UGGT1: variants seen among roughly 807,000 people sequenced by gnomAD.
UGGT1 encodes the protein UDP-glucose glycoprotein glucosyltransferase 1.
UGGT1 carries 107 observed loss-of-function variants against 203.9 expected under a neutral mutation model. That is an observed-to-expected ratio of 0.52 (90% CI 0.45 to 0.62). The LOEUF (loss-of-function observed/expected upper bound fraction) is 0.62. Ranked by LOEUF, UGGT1 falls within the 20% of genes least tolerant of loss-of-function variation. The pLI, the probability that UGGT1 is intolerant of heterozygous loss-of-function variation, is 0.00. For missense variants in UGGT1, 1,673 were observed against 1,867.2 expected (o/e 0.90, Z 1.92); for synonymous variants, 628 against 653.5 (o/e 0.96, Z 0.59).
At position 128,157,190 on chromosome 2, in the gene UGGT1, T is replaced by C. The variant is rs570648149; in HGVS notation, c.2261-62T>C. 80 of 1,147,582 alleles carry C rather than the reference T, an allele frequency of 7.0e-5. No individual in the cohort carries two copies. In the African/African-American group the frequency reaches 1.0e-3, roughly 14 times the overall value. 71.1% of individuals were successfully genotyped at this position (1,147,582 alleles called of 1,614,324 possible). A position where few individuals can be genotyped will look rare whatever the true frequency, so the allele number is the denominator to read the frequency against. On this transcript the variant is annotated intron_variant, in intron 21 of 40. Transcript: ENST00000259253. ...TATTTGGTCAATTTCATTTTCAGAATGTTGAAACACAGAATGTGCTTCTCT... is the reference window on the plus strand; with the variant it reads ...TATTTGGTCAATTTCATTTTCAGAACGTTGAAACACAGAATGTGCTTCTCT...
Position 128,172,566 on chromosome 2 carries a change from A to G in UGGT1, c.3105-7A>G. 1 of 1,613,798 alleles carries G rather than the reference A, an allele frequency of 6.2e-7. No individual in the cohort carries two copies. The highest frequency in any genetic ancestry group is 8.5e-7 in the Non-Finnish European group (1 of 1,179,920). On this transcript the variant is annotated splice_polypyrimidine_tract_variant and splice_region_variant and intron_variant, in intron 28 of 40. Transcript: ENST00000259253. ...AAATTATCTAACACTTTCCTTTTCA[A>G]TTTCAGCTTTTACCGTTATGTCTTA...
rs943512957 is a variant in UGGT1 at position 128,123,303 on chromosome 2, A to G, written c.1134+57A>G. ...TGTATTCTATCTTTAAAGATAAGGAAATCTGAGTTTAATCAGCAGCATTTA... is the reference window on the plus strand; with the variant it reads ...TGTATTCTATCTTTAAAGATAAGGAGATCTGAGTTTAATCAGCAGCATTTA... On this transcript the variant is annotated intron_variant, in intron 11 of 40. Coordinates refer to ENST00000259253, the MANE Select transcript of UGGT1 (RefSeq NM_020120.4). The G allele has an allele frequency of 6.1e-6, 9 of 1,477,012 alleles. No individual in the cohort carries two copies. The Admixed American group carries it at 1.7e-4, about 27-fold the overall frequency. The allele number at this position is 1,477,012 out of a possible 1,614,324, so 91.5% of individuals were successfully genotyped here. A position where few individuals can be genotyped will look rare whatever the true frequency, so the allele number is the denominator to read the frequency against.
rs756592264 is a variant in UGGT1 at position 128,152,776 on chromosome 2, T to C, written c.2017-8T>C. ...CTCCCCCCTCAACCTCCTTTTTTTT[T>C]CTTGCAGGGTGAACTGCCCCATGAT... On this transcript the variant is annotated splice_polypyrimidine_tract_variant and splice_region_variant and intron_variant, in intron 18 of 40. Transcript: ENST00000259253. 2 of 1,589,474 alleles carry C rather than the reference T, an allele frequency of 1.3e-6. No individual in the cohort carries two copies. Among genetic ancestry groups the C allele is most frequent in the Non-Finnish European group, 1.7e-6 (2 of 1,170,968 alleles).
Position 128,128,953 on chromosome 2 carries a change from C to T in UGGT1, c.1227-76C>T, listed in dbSNP as rs1688745573. On this transcript the variant is annotated intron_variant, in intron 12 of 40. Transcript: ENST00000259253. ...ATTTGGCATTGAGGTTGAACTGATA[C>T]ATTTTTTTTCATGGTGAGAATTTTT... The T allele has an allele frequency of 7.8e-6, 11 of 1,412,390 alleles. No homozygotes were observed. The South Asian group carries it at 1.4e-4, about 18-fold the overall frequency. The allele number at this position is 1,412,390 out of a possible 1,614,324, so 87.5% of individuals were successfully genotyped here.
chr2:128,156,526 G>C, intron 21 of UGGT1, 111 bp downstream of exon 21: 1 of 823,402 alleles, frequency 1.2e-6, no homozygotes, highest in Non-Finnish European at 1.9e-6. Context: ...GGAATCTGTG[G>C]GTAACAGGAA....
At chr2:128,172,346 T>C (rs888117367) in intron 28 of UGGT1, among the ~76,000 whole-genome samples, 1 of 152,192 alleles carries the variant, frequency 6.6e-6, no homozygotes, top group Non-Finnish European at 1.5e-5. Context: ...AGGCCACCAC[T>C]GAGCACTCCT....
chr2:128,131,753 G>C (rs1244763043), intron 13 of UGGT1, among the ~76,000 whole-genome samples: 1 of 151,964 alleles, frequency 6.6e-6, no homozygotes, highest in Non-Finnish European at 1.5e-5. Flanking sequence ...TCAGCCTCCC[G>C]AGTAGCTGGG....
At chr2:128,157,444 G>A (rs1690294088) in intron 22 of UGGT1, 98 bp downstream of exon 22, 3 of 902,908 alleles carry the variant, frequency 3.3e-6, no homozygotes, top group Non-Finnish European at 5.2e-6. Flanking sequence ...GGAGTTGGGA[G>A]TCCTGCTTTC....
rs1429451020 is a variant in UGGT1 at position 128,120,597 on chromosome 2, C to T, written c.973+141C>T. The T allele has an allele frequency of 2.1e-5, 14 of 669,358 alleles. 1 individual carries two copies. Among genetic ancestry groups the T allele is most frequent in the South Asian group, 8.2e-5 (4 of 48,866 alleles). The allele number at this position is 669,358 out of a possible 1,614,324, so 41.5% of individuals were successfully genotyped here. ...TTTTAAAGATAAGAGTGATTAATTA[C>T]GATTAATCAGGGAAGAAAGGAAGTC... On this transcript the variant is annotated intron_variant, in intron 9 of 40. Coordinates refer to ENST00000259253, the MANE Select transcript of UGGT1 (RefSeq NM_020120.4).
chr2:128,114,587 C>T (rs571929460), intron 6 of UGGT1, among the ~76,000 whole-genome samples: 4 of 152,268 alleles, frequency 2.6e-5, no homozygotes, highest in South Asian at 2.1e-4. Context: ...AAGCTCCGCT[C>T]GAAGGCATTT....
intron 25 of UGGT1, among the ~76,000 whole-genome samples, chr2:128,162,665 C>T (rs576785322): frequency 6.6e-6 from 1 of 152,136 alleles, no homozygotes; most frequent in South Asian, 2.1e-4. Flanking sequence ...CCCCTTGTCC[C>T]GACCTGTGAA....
chr2:128,158,015 T>A (rs1302344328), intron 22 of UGGT1, among the ~76,000 whole-genome samples: 1 of 152,082 alleles, frequency 6.6e-6, no homozygotes, highest in Non-Finnish European at 1.5e-5. Context: ...AATAAAGAAA[T>A]ATCCAGGTGG....
chr2:128,186,263 T>C (rs528518044), intron 38 of UGGT1, among the ~76,000 whole-genome samples: 15 of 152,364 alleles, frequency 9.8e-5, no homozygotes, highest in African/African-American at 3.6e-4. Flanking sequence ...GTGATTGGCA[T>C]GTGATCTGTA....
At chr2:128,174,717 G>A in intron 30 of UGGT1, 56 bp from the exon 31 acceptor site, 1 of 1,360,886 alleles carries the variant, frequency 7.3e-7, no homozygotes, top group Non-Finnish European at 1.0e-6. Context: ...CTGTTCCTCA[G>A]AAATAACATT....
intron 37 of UGGT1, among the ~76,000 whole-genome samples, chr2:128,183,048 A>G (rs918658930): frequency 6.6e-6 from 1 of 152,092 alleles, no homozygotes; most frequent in Non-Finnish European, 1.5e-5. Context: ...CAATGTTGCA[A>G]TGAATAATCT....
intron 29 of UGGT1, among the ~76,000 whole-genome samples, 163 bp from the exon 30 acceptor site, chr2:128,173,596 CCTGGTTTCAGGCAACAACTGAT>C (rs1691226216): frequency 6.6e-6 from 1 of 152,144 alleles, no homozygotes; most frequent in Non-Finnish European, 1.5e-5. Context: ...CCTCCTCTCG[CCTGGTTTCAGGCAACAACTGAT>C]CTGCTTTCTG....
At chr2:128,130,778 A>G (rs371289571) in intron 13 of UGGT1, among the ~76,000 whole-genome samples, 1 of 151,898 alleles carries the variant, frequency 6.6e-6, no homozygotes, top group Non-Finnish European at 1.5e-5. Flanking sequence ...TTTTCTATCA[A>G]ATATATTTTT....
chr2:128,159,780 C>T (rs1690438443), intron 23 of UGGT1, 60 bp downstream of exon 23: 26 of 1,518,532 alleles, frequency 1.7e-5, no homozygotes, highest in Non-Finnish European at 1.9e-5. Flanking sequence ...AGCTCACCCA[C>T]TGCAGCTTAC....
chr2:128,170,160 G>A (rs1558815476), intron 26 of UGGT1, 128 bp from the exon 27 acceptor site: 2 of 706,626 alleles, frequency 2.8e-6, no homozygotes, highest in Middle Eastern at 3.9e-4. Context: ...GTTGGCCACT[G>A]TCATAGTCTA....
Sources: allele counts gnomAD v4.1 joint callset (sites outside exome capture counted in the v4.1 genomes callset), GRCh38; gene constraint gnomAD v4.1.1; transcripts MANE v1.5; gene names NCBI Gene and HGNC (gene_info 2026-07-23, HGNC 2026-07-21).